The following HERC2 variants were observed in gnomAD, a reference collection of about 807,000 sequenced individuals.
HERC2 encodes the protein HECT and RLD domain containing E3 ubiquitin protein ligase 2, also known as E3 ubiquitin-protein ligase HERC2.
Under a neutral mutation model 537.7 loss-of-function variants are expected in HERC2, and 102 were observed. The ratio of observed to expected loss-of-function variants is 0.19; its 90% CI spans 0.16 to 0.22. The LOEUF is 0.22. HERC2 is among the 10% of genes least tolerant of loss of function. HERC2 has a pLI of 1.00. For synonymous variants in HERC2, 2,224 were observed against 2,466.2 expected (o/e 0.90, Z 2.91); for missense variants, 4,236 against 6,198.2 (o/e 0.68, Z 10.63).
chr15:28,211,663 G>A (rs1032007855), intron 43 of HERC2, among the ~76,000 whole-genome samples: 2 of 152,052 alleles, frequency 1.3e-5, no homozygotes, highest in African/African-American at 2.4e-5. Flanking sequence ...CTAACTGGCA[G>A]ACAGGTTTAT....
Position 28,182,524 on chromosome 15 carries a change from GAAA to G in HERC2, c.8826-15_8826-13del. 7.2e-7 allele frequency: 1 copy of G among 1,380,368 alleles called. No homozygotes were observed. The highest frequency in any genetic ancestry group is 1.4e-5 in the South Asian group (1 of 72,828). The allele number at this position is 1,380,368 out of a possible 1,614,324, so 85.5% of individuals were successfully genotyped here. A position where few individuals can be genotyped will look rare whatever the true frequency, so the allele number is the denominator to read the frequency against. ...TCTTTCTAATGAGGCTAACCAAACG[GAAA>G]AAAAAAAGAAAAAGAAAAGAGAGGT... On this transcript the variant is annotated splice_polypyrimidine_tract_variant and intron_variant, in intron 56 of 92. Transcript: ENST00000261609.
chr15:28,217,905 A>C (rs968647248), intron 38 of HERC2, among the ~76,000 whole-genome samples: 3 of 151,954 alleles, frequency 2.0e-5, no homozygotes, highest in Admixed American at 6.5e-5. Context: ...CCTGTGGAAG[A>C]AGCATGGCCC....
At chr15:28,260,247 C>A (rs919091999) in intron 16 of HERC2, among the ~76,000 whole-genome samples, 1 of 151,898 alleles carries the variant, frequency 6.6e-6, no homozygotes, top group African/African-American at 2.4e-5. Flanking sequence ...TACTAACACA[C>A]TAAAGAAGGA....
At chr15:28,208,715 C>A (rs892561836) in intron 44 of HERC2, among the ~76,000 whole-genome samples, 11 of 152,222 alleles carry the variant, frequency 7.2e-5, no homozygotes, top group African/African-American at 2.7e-4. Context: ...TTTCACTCCT[C>A]TCCTCCTGGT....
chr15:28,318,331 A>G (rs1391951144), intron 2 of HERC2, among the ~76,000 whole-genome samples: 1 of 152,150 alleles, frequency 6.6e-6, no homozygotes, highest in Non-Finnish European at 1.5e-5. Context: ...CACCAAGCAG[A>G]AAAGTGTTGA....
At chr15:28,163,037 G>A in intron 69 of HERC2, 57 bp downstream of exon 69, 4 of 1,429,260 alleles carry the variant, frequency 2.8e-6, no homozygotes, top group Non-Finnish European at 3.8e-6. Flanking sequence ...TTGGAGAGGA[G>A]GGTGGCCCAA....
At chr15:28,266,853 T>C (rs1320054457) in intron 12 of HERC2, among the ~76,000 whole-genome samples, 2 of 152,146 alleles carry the variant, frequency 1.3e-5, no homozygotes, top group African/African-American at 4.8e-5. Flanking sequence ...CCCAACTGCG[T>C]GCACTTGTCA....
intron 69 of HERC2, 61 bp from the exon 70 acceptor site, chr15:28,152,891 T>G (rs1036106297): frequency 1.7e-5 from 26 of 1,492,580 alleles, no homozygotes; most frequent in Non-Finnish European, 2.4e-5. Context: ...GTCACCTGCA[T>G]GCCACCTCTG....
At chr15:28,251,239 T>A (rs181148293) in intron 20 of HERC2, among the ~76,000 whole-genome samples, 26 of 151,700 alleles carry the variant, frequency 1.7e-4, no homozygotes, top group African/African-American at 6.3e-4. Flanking sequence ...GGTTGGGAGT[T>A]CAAGACCACC....
intron 2 of HERC2, among the ~76,000 whole-genome samples, chr15:28,315,182 G>A (rs1406225192): frequency 2.0e-5 from 3 of 152,272 alleles, no homozygotes; most frequent in Non-Finnish European, 2.9e-5. Context: ...AGTCCAAGGA[G>A]GAAAGAAAAA....
rs1405520355 is a variant in HERC2 at position 28,322,148 on chromosome 15, G to A, written c.-105C>T. On this transcript the variant is annotated 5_prime_UTR_variant, in exon 1 of 93. Transcript: ENST00000261609. ...CCTCCCAAGAGCCGCTGGCTCAGCC[G>A]GCGCCCGCGATCCCGGCGCCTCTCG... 3.2e-5 allele frequency: 2 copies of A among 62,314 alleles called. No individual in the cohort carries two copies. Among genetic ancestry groups the A allele is most frequent in the Non-Finnish European group, 6.1e-5 (2 of 32,592 alleles). The allele number at this position is 62,314 out of a possible 1,614,324, so 3.9% of individuals were successfully genotyped here. A position where few individuals can be genotyped will look rare whatever the true frequency, so the allele number is the denominator to read the frequency against.
chr15:28,226,318 G>A (rs1418762628), intron 35 of HERC2, among the ~76,000 whole-genome samples: 1 of 151,910 alleles, frequency 6.6e-6, no homozygotes, highest in East Asian at 1.9e-4. Context: ...ACCCAAAGTA[G>A]CCAAAATCAT....
chr15:28,252,174 C>G (rs1446523295), intron 20 of HERC2, among the ~76,000 whole-genome samples: 1 of 152,162 alleles, frequency 6.6e-6, no homozygotes, highest in Non-Finnish European at 1.5e-5. Flanking sequence ...ATGATGGATA[C>G]ACTTCAAGTG....
chr15:28,132,399 T>C, intron 80 of HERC2, 138 bp from the exon 81 acceptor site: 2 of 904,880 alleles, frequency 2.2e-6, no homozygotes, highest in Non-Finnish European at 3.2e-6. Context: ...TCTAAAATCC[T>C]ATAAGACAAA....
rs192616604 is a variant in HERC2, at chr15:28,146,030, T to C, written c.11008+207A>G. On this transcript the variant is annotated intron_variant, in intron 71 of 92. Transcript: ENST00000261609. ...CAGGGCCCATCCGACAGGGATGTGG[T>C]ACATACATCACAGATAATTACTGTA... 5.1e-4 allele frequency among the ~76,000 whole-genome samples: 77 copies of C among 152,330 alleles called. No individual in the cohort carries two copies. The East Asian group carries it at 0.01, about 20-fold the overall frequency.
rs1362107748 is a variant in HERC2 at position 28,111,394 on chromosome 15, T to C, written c.*369A>G. On this transcript the variant is annotated 3_prime_UTR_variant, in exon 93 of 93. Coordinates refer to ENST00000261609, the MANE Select transcript of HERC2 (RefSeq NM_004667.6). ...ATACAATCAAGACGACTCACGACAC[T>C]TGAAAGAAAGGAGAAAGAAAAAAAA... 5.2e-6 allele frequency: 1 copy of C among 191,198 alleles called. No individual in the cohort carries two copies. Among genetic ancestry groups the C allele is most frequent in the African/African-American group, 2.6e-5 (1 of 39,114 alleles). 11.8% of individuals were successfully genotyped at this position (191,198 alleles called of 1,614,324 possible). A position where few individuals can be genotyped will look rare whatever the true frequency, so the allele number is the denominator to read the frequency against.
Position 28,263,058 on chromosome 15 carries a change from T to G in HERC2, c.1982A>C (p.Lys661Thr). The G allele has an allele frequency of 1.2e-6, 2 of 1,614,222 alleles. No homozygotes were observed. Among genetic ancestry groups the G allele is most frequent in the Non-Finnish European group, 1.7e-6 (2 of 1,180,042 alleles). ...IEKLQDLDVVKVRCGSQFSIA... is the reference protein window; with the variant it reads ...IEKLQDLDVVTVRCGSQFSIA... The stretch of plus-strand genomic sequence containing the variant: ...GGAAAACTGACTTCCACAGCGGACT[T>G]TGACCACATCCAAGTCTTGAAGCTT... The change falls in exon 15 of 93, where the codon AAA becomes ACA. Residue 661 changes from lysine to threonine, a missense_variant. By Grantham distance (78) the Lys-to-Thr change is moderately conservative (BLOSUM62 -1). Coordinates refer to ENST00000261609, the MANE Select transcript of HERC2 (RefSeq NM_004667.6).
chr15:28,237,283 G>A (rs1000160184), intron 25 of HERC2, among the ~76,000 whole-genome samples, 170 bp from the exon 26 acceptor site: 2 of 152,242 alleles, frequency 1.3e-5, no homozygotes, highest in African/African-American at 4.8e-5. Context: ...CCAAGTAACA[G>A]CAGATACCAC....
chr15:28,258,313 T>G (rs1005169178), intron 16 of HERC2, among the ~76,000 whole-genome samples: 1 of 151,742 alleles, frequency 6.6e-6, no homozygotes, highest in African/African-American at 2.4e-5. Flanking sequence ...CTACTGAAAA[T>G]ACAAAAAAAT....
Sources: allele counts gnomAD v4.1 joint callset (sites outside exome capture counted in the v4.1 genomes callset), GRCh38; gene constraint gnomAD v4.1.1; transcripts MANE v1.5; gene names NCBI Gene and HGNC (gene_info 2026-07-23, HGNC 2026-07-21).